ENAH: variants seen among roughly 807,000 people sequenced by gnomAD.
ENAH encodes protein enabled homolog.
A neutral mutation model predicts 78.7 loss-of-function variants in ENAH; 23 were observed. That is an observed-to-expected ratio of 0.29 (90% CI 0.21 to 0.41). The LOEUF is 0.41. ENAH is among the 10% of genes least tolerant of loss of function. ENAH has a pLI of 1.00. For missense variants in ENAH, 544 were observed against 691.0 expected, an observed-to-expected ratio of 0.79 and a Z score of 2.39; for synonymous variants, 226 against 241.0, an observed-to-expected ratio of 0.94 and a Z score of 0.58.
Position 225,498,331 on chromosome 1 carries a change from T to A in ENAH, c.1675+16A>T. ...ACATTGTTTTATAGGAATAGTAAAT[T>A]TGTCCAGACACTTACCATCAATGAG... On this transcript the variant is annotated intron_variant, in intron 13 of 13. Transcript: ENST00000366843. 6.4e-7 allele frequency: 1 copy of A among 1,574,206 alleles called. No individual in the cohort carries two copies. Among genetic ancestry groups the A allele is most frequent in the Non-Finnish European group, 8.7e-7 (1 of 1,153,740 alleles).
intron 4 of ENAH, among the ~76,000 whole-genome samples, chr1:225,530,180 CAAT>C (rs1483082531): frequency 1.3e-5 from 2 of 152,144 alleles, no homozygotes; most frequent in African/African-American, 4.8e-5. Context: ...AAACAGCCAA[CAAT>C]ATTTCAACTT....
chr1:225,645,277 T>C (rs1661752258), intron 1 of ENAH, among the ~76,000 whole-genome samples: 1 of 152,254 alleles, frequency 6.6e-6, no homozygotes, highest in Non-Finnish European at 1.5e-5. Flanking sequence ...GCATTTCATA[T>C]AAATGGAATC....
In ENAH at chr1:225,580,912, C is replaced by CAA. The variant is rs78529288; in HGVS notation, c.6-13500_6-13499dup. 8.6e-3 allele frequency among the ~76,000 whole-genome samples: 547 copies of CAA among 63,892 alleles called. 4 individuals carry two copies. The highest frequency in any genetic ancestry group is 0.017 in the African/African-American group (318 of 18,184). 41.9% of individuals were successfully genotyped at this position (63,892 alleles called of 152,430 possible). On this transcript the variant is annotated intron_variant, in intron 1 of 13. Transcript: ENST00000366843. Reference sequence around the variant, plus strand: ...CGAGACTCTGTCTCAAGAAAAAAACCAAAAAAAAAAAAAAAAAAAGCCAAG... The same window carrying CAA: ...CGAGACTCTGTCTCAAGAAAAAAACCAAAAAAAAAAAAAAAAAAAAAGCCAAG...
intron 10 of ENAH, among the ~76,000 whole-genome samples, chr1:225,509,784 A>C (rs954078695): frequency 1.5e-4 from 23 of 152,174 alleles, no homozygotes; most frequent in African/African-American, 5.3e-4. Context: ...AATATTCCTC[A>C]AAAAGAATTC....
intron 1 of ENAH, among the ~76,000 whole-genome samples, chr1:225,585,774 G>C (rs2096843077): frequency 6.6e-6 from 1 of 151,642 alleles, no homozygotes; most frequent in African/African-American, 2.4e-5. Context: ...AGGAGACAGA[G>C]TGAGACCCTG....
intron 3 of ENAH, 66 bp downstream of exon 3, chr1:225,554,840 A>G (rs1307940155): frequency 1.5e-6 from 2 of 1,341,222 alleles, no homozygotes; most frequent in African/African-American, 1.4e-5. Flanking sequence ...GAATACAAGT[A>G]AATCTTCAGT....
chr1:225,636,959 G>A (rs1300533524), intron 1 of ENAH, among the ~76,000 whole-genome samples: 1 of 152,144 alleles, frequency 6.6e-6, no homozygotes, highest in Admixed American at 6.5e-5. Flanking sequence ...AAGCAAGAAT[G>A]GGATTGAGGT....
At chr1:225,544,104 C>G (rs527568363) in intron 3 of ENAH, among the ~76,000 whole-genome samples, 2 of 152,338 alleles carry the variant, frequency 1.3e-5, no homozygotes, top group African/African-American at 4.8e-5. Flanking sequence ...TGCAATTCAT[C>G]TCTTATCATC....
chr1:225,604,626 A>AC (rs2096947326), intron 1 of ENAH, among the ~76,000 whole-genome samples: 1 of 145,712 alleles, frequency 6.9e-6, no homozygotes, highest in African/African-American at 2.4e-5. Flanking sequence ...TCTACCAAAA[A>AC]AAAAAAAAAA....
At chr1:225,603,520 A>G (rs990510691) in intron 1 of ENAH, among the ~76,000 whole-genome samples, 5 of 152,150 alleles carry the variant, frequency 3.3e-5, no homozygotes, top group Non-Finnish European at 5.9e-5. Flanking sequence ...TCTTTCTCCA[A>G]AACTAAGCTC....
chr1:225,645,516 T>C (rs1042591083), intron 1 of ENAH, among the ~76,000 whole-genome samples: 10 of 152,360 alleles, frequency 6.6e-5, no homozygotes, highest in Admixed American at 1.3e-4. Context: ...CAAGTTTTTC[T>C]GTGGACAAAT....
rs552489658 is a variant in ENAH, at chr1:225,514,391, C to T, written c.1218+205G>A. Among the ~76,000 whole-genome samples the T allele has an allele frequency of 1.6e-4, 25 of 152,150 alleles. No homozygotes were observed. The East Asian group carries it at 3.3e-3, about 20-fold the overall frequency. On this transcript the variant is annotated intron_variant, in intron 7 of 13. Transcript: ENST00000366843. The stretch of plus-strand genomic sequence containing the variant: ...TGTTGGCCAGCCTGGTCTCGAACTC[C>T]TGACCTCAGGTGATCCGCCCACCCC...
intron 1 of ENAH, among the ~76,000 whole-genome samples, chr1:225,651,366 G>C (rs1485503334): frequency 6.6e-6 from 1 of 150,384 alleles, no homozygotes; most frequent in African/African-American, 2.4e-5. Context: ...ATATATAAAA[G>C]CAAAATGGAA....
chr1:225,554,458 C>G (rs979447438), intron 3 of ENAH, among the ~76,000 whole-genome samples: 2 of 152,208 alleles, frequency 1.3e-5, no homozygotes, highest in Admixed American at 6.5e-5. Context: ...ACATTTTTAC[C>G]TACTGGGAAG....
At chr1:225,594,271 T>C (rs2096891963) in intron 1 of ENAH, among the ~76,000 whole-genome samples, 1 of 152,218 alleles carries the variant, frequency 6.6e-6, no homozygotes, top group Admixed American at 6.5e-5. Context: ...GTCTCAGTTT[T>C]GGGGAAATTT....
intron 1 of ENAH, among the ~76,000 whole-genome samples, chr1:225,629,473 GCTA>G (rs895596739): frequency 6.6e-6 from 1 of 151,644 alleles, no homozygotes; most frequent in African/African-American, 2.4e-5. Context: ...TGTAATCCCA[GCTA>G]CTCGGGAGGC....
chr1:225,567,536 A>T (rs1027594424), intron 1 of ENAH, 122 bp from the exon 2 acceptor site: 73 of 956,628 alleles, frequency 7.6e-5, no homozygotes, highest in Admixed American at 5.5e-4. Context: ...GCTGGAAACA[A>T]TAATGGACAA....
chr1:225,588,532 G>C (rs528778465), intron 1 of ENAH, among the ~76,000 whole-genome samples: 1 of 152,308 alleles, frequency 6.6e-6, no homozygotes, highest in South Asian at 2.1e-4. Flanking sequence ...AGTTGGGGCC[G>C]GGCATAGTGG....
chr1:225,651,131 TTG>T (rs770119284), intron 1 of ENAH, among the ~76,000 whole-genome samples: 1 of 152,100 alleles, frequency 6.6e-6, no homozygotes, highest in Non-Finnish European at 1.5e-5. Flanking sequence ...TTTACAAAGA[TTG>T]TGTTTTTTGG....
Sources: allele counts gnomAD v4.1 joint callset (sites outside exome capture counted in the v4.1 genomes callset), GRCh38; gene constraint gnomAD v4.1.1; transcripts MANE v1.5; gene names NCBI Gene and HGNC (gene_info 2026-07-23, HGNC 2026-07-21).